AKAP9: variants seen among roughly 807,000 people sequenced by gnomAD.
AKAP9 encodes the protein A-kinase anchoring protein 9, also known as A-kinase anchor protein 9.
Under a neutral mutation model 488.5 loss-of-function variants are expected in AKAP9, and 311 were observed. The ratio of observed to expected loss-of-function variants is 0.64; its 90% confidence interval spans 0.58 to 0.70. The LOEUF is 0.70. Ranked by LOEUF, AKAP9 falls within the 30% of genes least tolerant of loss-of-function variation. The pLI is 0.00. For synonymous variants in AKAP9, 1,462 were observed against 1,483.5 expected, an observed-to-expected ratio of 0.99 and a Z score of 0.33; for missense variants, 4,215 against 4,374.5, an observed-to-expected ratio of 0.96 and a Z score of 1.03.
At chr7:92,019,236 G>A (rs1245574990) in intron 12 of AKAP9, among the ~76,000 whole-genome samples, 1 of 151,696 alleles carries the variant, frequency 6.6e-6, no homozygotes, top group African/African-American at 2.4e-5. Context: ...CTGCCTCCCA[G>A]GTTCAAGCGA....
intron 1 of AKAP9, 95 bp downstream of exon 1, chr7:91,941,242 G>T: frequency 1.6e-6 from 2 of 1,248,826 alleles, no homozygotes; most frequent in Middle Eastern, 2.1e-4. Flanking sequence ...CGCAGCCCCA[G>T]TGCACTGCCC....
chr7:91,950,507 G>C (rs1409202822), intron 1 of AKAP9, among the ~76,000 whole-genome samples: 1 of 152,144 alleles, frequency 6.6e-6, no homozygotes, highest in African/African-American at 2.4e-5. Context: ...TGGGATTACA[G>C]GCGTGAGCCA....
At chr7:92,034,886 T>C (rs988662186) in intron 16 of AKAP9, among the ~76,000 whole-genome samples, 5 of 152,160 alleles carry the variant, frequency 3.3e-5, no homozygotes, top group Non-Finnish European at 5.9e-5. Flanking sequence ...TAGAGGTTTA[T>C]TGATTGTATT....
chr7:91,947,459 C>T (rs1791604983), intron 1 of AKAP9, among the ~76,000 whole-genome samples: 1 of 152,018 alleles, frequency 6.6e-6, no homozygotes, highest in Non-Finnish European at 1.5e-5. Context: ...TCTCCTGCCT[C>T]AGCCTCCCGA....
chr7:92,068,216 A>G (rs1811067310), intron 26 of AKAP9, among the ~76,000 whole-genome samples: 2 of 151,534 alleles, frequency 1.3e-5, no homozygotes, highest in South Asian at 2.1e-4. Context: ...AAAAAAAAAA[A>G]TTAGCCAGGC....
chr7:92,062,075 C>G (rs140207364), intron 23 of AKAP9, among the ~76,000 whole-genome samples, 199 bp from the exon 24 acceptor site: 35 of 152,172 alleles, frequency 2.3e-4, no homozygotes, highest in African/African-American at 7.7e-4. Flanking sequence ...CAATGGTAAA[C>G]AAGGAAATGT....
At chr7:91,975,918 T>G (rs1392353878) in intron 2 of AKAP9, among the ~76,000 whole-genome samples, 1 of 100,656 alleles carries the variant, frequency 9.9e-6, no homozygotes, top group Non-Finnish European at 2.1e-5. Flanking sequence ...TTTTTGTTTG[T>G]TTGTTTGTTT....
Position 92,001,547 on chromosome 7 carries a change from A to G in AKAP9, c.1630A>G (p.Ile544Val), listed in dbSNP as rs1264670892. ...VEELSFSREQ[I>V]QRARQTIAEQ... ...AGAATTGAGCTTTTCAAGGGAACAG[A>G]TTCAGAGAGCTAGACAGACAATAGC... The change falls in exon 8 of 50, where the codon ATT becomes GTT. Residue 544 changes from isoleucine (I) to valine (V), a missense_variant. This residue lies in a region of AKAP9 where 2,361 missense variants were observed against 2,430.0 expected (regional missense o/e 0.97). Transcript: ENST00000356239. The G allele has an allele frequency of 2.5e-6, 4 of 1,613,886 alleles. No homozygotes were observed. The South Asian group carries it at 4.4e-5, about 18-fold the overall frequency.
At chr7:91,942,741 A>G (rs1040471098) in intron 1 of AKAP9, among the ~76,000 whole-genome samples, 1 of 152,246 alleles carries the variant, frequency 6.6e-6, no homozygotes, top group South Asian at 2.1e-4. Context: ...TTGATGTGGC[A>G]AAATACAATT....
Position 91,953,542 on chromosome 7 carries a change from G to T in AKAP9, c.48+12395G>T, listed in dbSNP as rs116963426. On this transcript the variant is annotated intron_variant, in intron 1 of 49. Coordinates refer to ENST00000356239, the MANE Select transcript of AKAP9 (RefSeq NM_005751.5). ...ACCTGCCTTGGTACTTGCGGTTGTT[G>T]TGAGGATTCACTAATAAGTCTAAAA... Among the ~76,000 whole-genome samples, 27 of 152,290 alleles carry T rather than the reference G, an allele frequency of 1.8e-4. No individual in the cohort carries two copies. In the East Asian group the frequency reaches 5.0e-3, roughly 28 times the overall value.
intron 15 of AKAP9, 53 bp downstream of exon 15, chr7:92,030,044 A>T: frequency 8.2e-7 from 1 of 1,218,138 alleles, no homozygotes; most frequent in Non-Finnish European, 1.2e-6. Context: ...TGATTTTTCT[A>T]TCATTTTTAT....
Position 91,992,853 on chromosome 7 carries a change from A to G in AKAP9, c.406-32A>G, listed in dbSNP as rs1292947842. The G allele has an allele frequency of 3.8e-6, 6 of 1,598,860 alleles. No individual in the cohort carries two copies. The South Asian group carries it at 6.6e-5, about 18-fold the overall frequency. On this transcript the variant is annotated intron_variant, in intron 4 of 49. Transcript: ENST00000356239. ...TCTCTCCCTAAGGAATATTGCTAAT[A>G]CTGAATTCTTTAAAATCTTGGATTG...
intron 28 of AKAP9, among the ~76,000 whole-genome samples, chr7:92,074,961 G>A (rs1812331167): frequency 6.6e-6 from 1 of 152,020 alleles, no homozygotes; most frequent in Non-Finnish European, 1.5e-5. Flanking sequence ...GTGTACCTGT[G>A]TAATAAACCT....
chr7:92,017,626 T>C (rs1801707220), intron 12 of AKAP9, among the ~76,000 whole-genome samples: 1 of 152,214 alleles, frequency 6.6e-6, no homozygotes, highest in Non-Finnish European at 1.5e-5. Flanking sequence ...AATTCTCATG[T>C]AGAAGGAAAT....
At chr7:91,962,133 T>A (rs1317492433) in intron 1 of AKAP9, among the ~76,000 whole-genome samples, 1 of 152,212 alleles carries the variant, frequency 6.6e-6, no homozygotes, top group Non-Finnish European at 1.5e-5. Flanking sequence ...CATTTCAGTA[T>A]AAGATGATTA....
intron 26 of AKAP9, among the ~76,000 whole-genome samples, chr7:92,066,916 G>T (rs1810860826): frequency 6.6e-6 from 1 of 152,074 alleles, no homozygotes; most frequent in African/African-American, 2.4e-5. Flanking sequence ...TCTCAGTAGG[G>T]TTATACCTTC....
intron 32 of AKAP9, 35 bp from the exon 33 acceptor site, chr7:92,083,135 C>T (rs1322864262): frequency 4.4e-6 from 7 of 1,605,174 alleles, no homozygotes; most frequent in Middle Eastern, 3.3e-4. Flanking sequence ...AAGATTTTAA[C>T]TGAATGCCCT....
intron 22 of AKAP9, chr7:92,058,303 T>G (rs1347133300): frequency 3.4e-6 from 2 of 582,040 alleles, no homozygotes; most frequent in Admixed American, 3.8e-5. Context: ...AACATTTGGA[T>G]GAAAATAACT....
Position 92,005,419 on chromosome 7 carries a change from A to G in AKAP9, c.3318+2184A>G, listed in dbSNP as rs537433266. ...TAAAGAACAGAATGAAGGCTTGTGT[A>G]GTTGAGTTTGAGAGAGCGGGAGAGT... On this transcript the variant is annotated intron_variant, in intron 8 of 49. Transcript: ENST00000356239. Among the ~76,000 whole-genome samples, 3 of 152,302 alleles carry G rather than the reference A, an allele frequency of 2.0e-5. No homozygotes were observed. In the South Asian group the frequency reaches 6.2e-4, roughly 32 times the overall value.
Sources: gnomAD v4.1 joint callset for allele counts (sites outside exome capture counted in the v4.1 genomes callset) on GRCh38, gnomAD v4.1.1 for gene constraint, gnomAD v4.1.1 regional missense constraint, MANE v1.5 for transcripts, NCBI Gene and HGNC (gene_info 2026-07-23, HGNC 2026-07-21) for gene names.